The following UTRN variants were observed in gnomAD, a reference collection of about 807,000 sequenced individuals.
UTRN encodes the protein utrophin, also known as dystrophin-related protein 1.
In UTRN, 283 loss-of-function variants were observed where a neutral mutation model predicts 463.9. The observed-to-expected ratio is 0.61, with a 90% CI of 0.55 to 0.67. The LOEUF is 0.67. UTRN is among the 30% of genes least tolerant of loss of function. The pLI is 0.00. For missense variants in UTRN, 3,922 were observed against 4,084.3 expected (o/e 0.96, Z 1.08); for synonymous variants, 1,442 against 1,431.5 (o/e 1.01, Z -0.17).
chr6:144,495,571 A>T (rs1276312090), intron 33 of UTRN, among the ~76,000 whole-genome samples: 2 of 152,212 alleles, frequency 1.3e-5, no homozygotes, highest in Admixed American at 1.3e-4. Flanking sequence ...GGCCTTGGCC[A>T]GCCCAGAAAG....
chr6:144,459,701 C>A (rs940288475), intron 21 of UTRN, among the ~76,000 whole-genome samples: 12 of 152,206 alleles, frequency 7.9e-5, no homozygotes, highest in African/African-American at 2.9e-4. Context: ...AGTGGTCCTT[C>A]TGCCTCAGCC....
chr6:144,754,552 T>TA lies in UTRN; in HGVS notation c.8356-167dup, dbSNP rs397887882. On this transcript the variant is annotated intron_variant, in intron 56 of 74. Transcript: ENST00000367545. ...GAGTCTTTTTTTTTTTTTTTTTTTT[T>TA]ACCATTACTCTGATACCAGAGACAG... Among the ~76,000 whole-genome samples, 17 of 150,452 alleles carry TA rather than the reference T, an allele frequency of 1.1e-4. No individual in the cohort carries two copies. In the South Asian group the frequency reaches 2.3e-3, roughly 20 times the overall value.
chr6:144,328,588 A>C (rs1776126095), intron 2 of UTRN, among the ~76,000 whole-genome samples: 1 of 151,184 alleles, frequency 6.6e-6, no homozygotes, highest in African/African-American at 2.5e-5. Flanking sequence ...TTTATTTTGC[A>C]AAGTCTTTTT....
Position 144,462,645 on chromosome 6 carries a change from T to G in UTRN, c.2854-9T>G, listed in dbSNP as rs1334850229. ...GTGCATATTTTTAATCTTTTAAAAC[T>G]TTTTCCAGACCCTTGATGAAATCCT... On this transcript the variant is annotated splice_polypyrimidine_tract_variant and intron_variant, in intron 22 of 74. Coordinates refer to ENST00000367545, the MANE Select transcript of UTRN (RefSeq NM_007124.3). 1 of 1,591,660 alleles carries G rather than the reference T, an allele frequency of 6.3e-7. No individual in the cohort carries two copies. The highest frequency in any genetic ancestry group is 8.5e-7 in the Non-Finnish European group (1 of 1,173,342).
chr6:144,774,379 C>T lies in UTRN; in HGVS notation c.8632+15C>T, dbSNP rs768578304. 2.0e-5 allele frequency: 31 copies of T among 1,554,574 alleles called. No individual in the cohort carries two copies. The highest frequency in any genetic ancestry group is 2.6e-5 in the Non-Finnish European group (30 of 1,159,140). On this transcript the variant is annotated intron_variant, in intron 60 of 74. Coordinates refer to ENST00000367545, the MANE Select transcript of UTRN (RefSeq NM_007124.3). ...AGCACTATGTTGTGAGTTATTCTACCAAAGTTAATCAATCTGTTACTTGAA... is the reference window on the plus strand; with the variant it reads ...AGCACTATGTTGTGAGTTATTCTACTAAAGTTAATCAATCTGTTACTTGAA...
At chr6:144,633,112 T>G (rs972908800) in intron 51 of UTRN, among the ~76,000 whole-genome samples, 3 of 152,210 alleles carry the variant, frequency 2.0e-5, no homozygotes, top group Admixed American at 6.5e-5. Flanking sequence ...TTATGTGCAA[T>G]GAGGCATTTA....
chr6:144,845,480 G>T (rs1339023950), intron 73 of UTRN, among the ~76,000 whole-genome samples: 1 of 152,160 alleles, frequency 6.6e-6, no homozygotes, highest in Non-Finnish European at 1.5e-5. Context: ...AAAACCCACT[G>T]CAATGCAGTG....
At chr6:144,511,854 C>G (rs1371492941) in intron 35 of UTRN, among the ~76,000 whole-genome samples, 4 of 152,034 alleles carry the variant, frequency 2.6e-5, no homozygotes, top group Non-Finnish European at 4.4e-5. Context: ...GCCACCCCAC[C>G]CTCCCCTGCT....
At chr6:144,817,669 T>C (rs1586696719) in intron 65 of UTRN, among the ~76,000 whole-genome samples, 1 of 152,338 alleles carries the variant, frequency 6.6e-6, no homozygotes, top group East Asian at 1.9e-4. Flanking sequence ...ATTCACTTTA[T>C]TGGCTCTATC....
At chr6:144,762,956 CCTTTAGTCTTGCTACAGA>C (rs1792878228) in intron 58 of UTRN, among the ~76,000 whole-genome samples, 2 of 152,126 alleles carry the variant, frequency 1.3e-5, no homozygotes, top group South Asian at 4.1e-4. Context: ...TTTCAGTAAG[CCTTTAGTCTTGCTACAGA>C]TGACTATTCT....
chr6:144,616,234 T>A (rs1806078218), intron 51 of UTRN, among the ~76,000 whole-genome samples: 1 of 152,208 alleles, frequency 6.6e-6, no homozygotes, highest in South Asian at 2.1e-4. Flanking sequence ...AAGTATTGAT[T>A]CTGAACTATT....
At position 144,774,894 on chromosome 6, in the gene UTRN, T is replaced by A. The variant is rs186474978; in HGVS notation, c.8632+530T>A. On this transcript the variant is annotated intron_variant, in intron 60 of 74. Transcript: ENST00000367545. ...GTGGAGGATGTGTTCAGAGTGGAAT[T>A]CTGTGGCAGTCCTTTCATCAAAAGG... Among the ~76,000 whole-genome samples the A allele has an allele frequency of 1.2e-3, 182 of 152,326 alleles. 2 individuals carry two copies. The highest frequency in any genetic ancestry group is 1.6e-4 in the Non-Finnish European group (11 of 68,036).
intron 51 of UTRN, among the ~76,000 whole-genome samples, chr6:144,606,188 G>A (rs1225319872): frequency 6.6e-6 from 1 of 152,184 alleles, no homozygotes; most frequent in Non-Finnish European, 1.5e-5. Context: ...ACATTGGGAA[G>A]TTAAACAACT....
At chr6:144,455,199 T>G (rs901618074) in intron 19 of UTRN, among the ~76,000 whole-genome samples, 5 of 152,306 alleles carry the variant, frequency 3.3e-5, no homozygotes, top group African/African-American at 1.2e-4. Flanking sequence ...TGCAAATGTA[T>G]TATCAATCCA....
intron 12 of UTRN, among the ~76,000 whole-genome samples, chr6:144,439,108 A>C (rs1193288821): frequency 6.6e-6 from 1 of 152,194 alleles, no homozygotes; most frequent in Non-Finnish European, 1.5e-5. Context: ...TGTGATGTGC[A>C]GTTTTCTTTT....
At chr6:144,310,834 A>C (rs763106697) in intron 2 of UTRN, among the ~76,000 whole-genome samples, 2 of 152,242 alleles carry the variant, frequency 1.3e-5, no homozygotes, top group African/African-American at 2.4e-5. Context: ...GAAAAATATC[A>C]GTTCAATCTT....
At position 144,774,274 on chromosome 6, in the gene UTRN, T is replaced by A; in HGVS notation, c.8558-16T>A. 6.3e-7 allele frequency: 1 copy of A among 1,593,450 alleles called. No homozygotes were observed. Among genetic ancestry groups the A allele is most frequent in the Non-Finnish European group, 8.5e-7 (1 of 1,173,498 alleles). ...ATAATAAGCCTATCTTCAAATTGTT[T>A]CTTTTTCTATTTCAGCTGACCTGAA... On this transcript the variant is annotated splice_polypyrimidine_tract_variant and intron_variant, in intron 59 of 74. Transcript: ENST00000367545.
chr6:144,771,237 T>C (rs1322804832), intron 58 of UTRN, among the ~76,000 whole-genome samples: 1 of 152,150 alleles, frequency 6.6e-6, no homozygotes, highest in Non-Finnish European at 1.5e-5. Context: ...AAAGATTTCA[T>C]TTGTGTTTTT....
intron 3 of UTRN, among the ~76,000 whole-genome samples, chr6:144,420,949 G>A (rs1008805361): frequency 7.2e-5 from 11 of 152,164 alleles, no homozygotes; most frequent in South Asian, 2.1e-4. Flanking sequence ...TTATTTTGTC[G>A]TTTATTGTTC....
Sources: gnomAD v4.1 joint callset for allele counts (sites outside exome capture counted in the v4.1 genomes callset) on GRCh38, gnomAD v4.1.1 for gene constraint, MANE v1.5 for transcripts, NCBI Gene and HGNC (gene_info 2026-07-23, HGNC 2026-07-21) for gene names.